Variants in GHR observed in about 807,000 individuals in gnomAD.
GHR encodes the protein growth hormone receptor.
In GHR, 35 loss-of-function variants were observed where a neutral mutation model predicts 67.1. The observed-to-expected ratio is 0.52, with a 90% CI of 0.40 to 0.69. The LOEUF (loss-of-function observed/expected upper bound fraction) is 0.69. Ranked by LOEUF, GHR falls within the 30% of genes least tolerant of loss-of-function variation. GHR has a pLI of 0.00. For synonymous variants in GHR, 272 were observed against 269.1 expected (o/e 1.01, Z -0.10); for missense variants, 792 against 764.6 (o/e 1.04, Z -0.42).
intron 3 of GHR, among the ~76,000 whole-genome samples, chr5:42,681,970 G>C (rs1371780515): frequency 6.8e-6 from 1 of 146,894 alleles, no homozygotes; most frequent in Admixed American, 6.8e-5. Flanking sequence ...ATATGCACAC[G>C]TACGTTTACT....
At chr5:42,674,425 G>A (rs916541614) in intron 3 of GHR, among the ~76,000 whole-genome samples, 1 of 151,994 alleles carries the variant, frequency 6.6e-6, no homozygotes, top group Non-Finnish European at 1.5e-5. Context: ...TCACAATGTT[G>A]TGCAACAATC....
At chr5:42,682,695 G>A (rs1756949076) in intron 3 of GHR, among the ~76,000 whole-genome samples, 1 of 152,200 alleles carries the variant, frequency 6.6e-6, no homozygotes, top group Admixed American at 6.5e-5. Flanking sequence ...CACTCACTGT[G>A]ATACATTCCA....
chr5:42,490,253 C>G (rs1746058093), intron 1 of GHR, among the ~76,000 whole-genome samples: 1 of 152,230 alleles, frequency 6.6e-6, no homozygotes, highest in African/African-American at 2.4e-5. Flanking sequence ...ACCACATTGA[C>G]TCTTAGTAAT....
At chr5:42,557,287 G>A (rs928909718) in intron 1 of GHR, among the ~76,000 whole-genome samples, 3 of 152,102 alleles carry the variant, frequency 2.0e-5, no homozygotes, top group Non-Finnish European at 2.9e-5. Flanking sequence ...TATGATGTAA[G>A]TGCTTGATTT....
chr5:42,593,010 T>C (rs1751871657), intron 2 of GHR, among the ~76,000 whole-genome samples: 1 of 152,234 alleles, frequency 6.6e-6, no homozygotes, highest in African/African-American at 2.4e-5. Context: ...GAGTATTTTT[T>C]CATATGCTTA....
At chr5:42,710,346 T>C (rs1439356672) in intron 6 of GHR, among the ~76,000 whole-genome samples, 1 of 150,244 alleles carries the variant, frequency 6.7e-6, no homozygotes, top group Admixed American at 6.7e-5. Flanking sequence ...TTTAAAGTTT[T>C]CTATAAACAG....
intron 2 of GHR, among the ~76,000 whole-genome samples, chr5:42,599,758 C>A (rs536775613): frequency 3.3e-4 from 50 of 152,252 alleles, no homozygotes; most frequent in African/African-American, 1.1e-3. Flanking sequence ...ACTTTTGTGT[C>A]CAGCTTCTTT....
chr5:42,575,612 T>C (rs1376101602), intron 2 of GHR, among the ~76,000 whole-genome samples: 2 of 151,662 alleles, frequency 1.3e-5, no homozygotes, highest in African/African-American at 4.8e-5. Context: ...AGGATGCAAA[T>C]TTCTACACAC....
chr5:42,563,473 C>T (rs1579945735), intron 1 of GHR, among the ~76,000 whole-genome samples: 1 of 151,864 alleles, frequency 6.6e-6, no homozygotes, highest in Admixed American at 6.6e-5. Context: ...AAAAAATTAG[C>T]CGGGCGCGGT....
chr5:42,678,830 ATCAGAAT>A (rs1756693325), intron 3 of GHR, among the ~76,000 whole-genome samples: 1 of 151,860 alleles, frequency 6.6e-6, no homozygotes, highest in Admixed American at 6.6e-5. Flanking sequence ...ATAAACTGAA[ATCAGAAT>A]TCATTGCAGG....
chr5:42,647,737 A>G (rs1484348029), intron 3 of GHR: 11 of 437,316 alleles, frequency 2.5e-5, no homozygotes, highest in South Asian at 1.5e-4. Flanking sequence ...AATCTAGCTT[A>G]GAAAAATTAA....
chr5:42,718,308 G>T, intron 9 of GHR, 145 bp from the exon 10 acceptor site: 1 of 742,758 alleles, frequency 1.3e-6, no homozygotes, highest in East Asian at 2.7e-5. Context: ...TATTTAAAAA[G>T]TTACACACTA....
At chr5:42,478,608 T>G (rs1745456375) in intron 1 of GHR, among the ~76,000 whole-genome samples, 2 of 152,198 alleles carry the variant, frequency 1.3e-5, no homozygotes, top group African/African-American at 4.8e-5. Context: ...ACATCCCTTG[T>G]AAGTTGGATT....
intron 2 of GHR, among the ~76,000 whole-genome samples, chr5:42,578,041 G>A (rs1230161352): frequency 6.6e-6 from 1 of 152,098 alleles, no homozygotes; most frequent in Non-Finnish European, 1.5e-5. Context: ...GGCTAAATGA[G>A]GATTTCTCAA....
chr5:42,555,690 CA>C (rs1407729923), intron 1 of GHR, among the ~76,000 whole-genome samples: 1 of 152,116 alleles, frequency 6.6e-6, no homozygotes, highest in Non-Finnish European at 1.5e-5. Flanking sequence ...AGGTACCTGG[CA>C]CACTTATTTT....
At chr5:42,499,720 A>G (rs950665223) in intron 1 of GHR, among the ~76,000 whole-genome samples, 3 of 152,184 alleles carry the variant, frequency 2.0e-5, no homozygotes, top group Admixed American at 6.5e-5. Context: ...TTGCTCTGTA[A>G]TAGGGGCTGA....
chr5:42,717,462 ATTAG>A (rs1440101905), intron 8 of GHR, among the ~76,000 whole-genome samples: 4 of 152,224 alleles, frequency 2.6e-5, no homozygotes, highest in Non-Finnish European at 5.9e-5. Context: ...ACCCATACTG[ATTAG>A]TTAGAGATAG....
intron 3 of GHR, among the ~76,000 whole-genome samples, chr5:42,653,803 G>A (rs564374944): frequency 8.5e-5 from 13 of 152,182 alleles, no homozygotes; most frequent in African/African-American, 2.2e-4. Context: ...ACTGCTTGTC[G>A]CTGTTGATGA....
chr5:42,710,108 G>GA (rs1758383188), intron 6 of GHR, among the ~76,000 whole-genome samples: 1 of 151,568 alleles, frequency 6.6e-6, no homozygotes, highest in Admixed American at 6.6e-5. Flanking sequence ...CTGCCTTAAA[G>GA]AAAGCATTTT....
Sources: allele counts gnomAD v4.1 joint callset (sites outside exome capture counted in the v4.1 genomes callset), GRCh38; gene constraint gnomAD v4.1.1; transcripts MANE v1.5; gene names NCBI Gene and HGNC (gene_info 2026-07-23, HGNC 2026-07-21).